ACOX2: variants seen among roughly 807,000 people sequenced by gnomAD.
ACOX2 encodes the protein peroxisomal acyl-coenzyme A oxidase 2.
In ACOX2, 59 loss-of-function variants were observed where a neutral mutation model predicts 77.5. That is an observed-to-expected ratio of 0.76 (90% CI 0.62 to 0.95). The LOEUF is 0.95. ACOX2 is among the 40% of genes least tolerant of loss of function. The pLI, the probability that ACOX2 is intolerant of heterozygous loss-of-function variation, is 0.00. For synonymous variants in ACOX2, 317 were observed against 340.1 expected, an observed-to-expected ratio of 0.93 and a Z score of 0.75; for missense variants, 837 against 880.4, an observed-to-expected ratio of 0.95 and a Z score of 0.62.
chr3:58,530,622 G>C lies in ACOX2; in HGVS notation c.836C>G (p.Thr279Ser). 6.2e-7 allele frequency: 1 copy of C among 1,614,134 alleles called. No individual in the cohort carries two copies. Among genetic ancestry groups the C allele is most frequent in the Non-Finnish European group, 8.5e-7 (1 of 1,179,992 alleles). The change falls in exon 8 of 15, where the codon ACC becomes AGC. Residue 279 changes from threonine to serine, a missense_variant. Transcript: ENST00000302819. ...CTGTGCTGTACCGAGTTTGACGTAG[G>C]TGCCATCTGGCAAGACCTGTGTGGA... ...SRFAQVLPDGTYVKLGTAQSN... is the reference protein window; with the variant it reads ...SRFAQVLPDGSYVKLGTAQSN...
rs1269268390 is a variant in ACOX2 at position 58,528,907 on chromosome 3, AG to A, written c.1041del (p.Pro349LeufsTer28). The A allele has an allele frequency of 6.2e-7, 1 of 1,613,538 alleles. No homozygotes were observed. The highest frequency in any genetic ancestry group is 8.5e-7 in the Non-Finnish European group (1 of 1,179,788). On this transcript the variant is annotated frameshift_variant, in exon 9 of 15. Transcript: ENST00000302819. LOFTEE classifies it high-confidence loss of function. This position sits in a 1 kb window ranked among gnomAD's most constrained non-coding sequence, Gnocchi z 5.6. ...VLDYQTQQQK[L>X]FPQLAISYAF... ...GCATAACTGATGGCCAGCTGAGGAA[AG>A]AGTTTCTGCTGTTGTGTCTGGTAGT...
rs2063375099 is a variant in ACOX2, at chr3:58,523,690, C to T, written c.1526+736G>A. ...TCTCAAACTCCTGAGCTCAAGCAAT[C>T]CGCCCACCTCGACCTCCCAAAGTGC... On this transcript the variant is annotated intron_variant, in intron 11 of 14. Coordinates refer to ENST00000302819, the MANE Select transcript of ACOX2 (RefSeq NM_003500.4). The surrounding 1 kb of genome is among the most constrained non-coding windows in gnomAD (Gnocchi z 5.3). Among the ~76,000 whole-genome samples, 3 of 152,082 alleles carry T rather than the reference C, an allele frequency of 2.0e-5. No individual in the cohort carries two copies. Among genetic ancestry groups the T allele is most frequent in the Admixed American group, 2.0e-4 (3 of 15,268 alleles).
Position 58,519,862 on chromosome 3 carries a change from G to T in ACOX2, c.1633-2439C>A, listed in dbSNP as rs1401469095. 6.6e-6 allele frequency among the ~76,000 whole-genome samples: 1 copy of T among 152,242 alleles called. No homozygotes were observed. Among genetic ancestry groups the T allele is most frequent in the Non-Finnish European group, 1.5e-5 (1 of 68,042 alleles). On this transcript the variant is annotated intron_variant, in intron 12 of 14. Coordinates refer to ENST00000302819, the MANE Select transcript of ACOX2 (RefSeq NM_003500.4). This position sits in a 1 kb window ranked among gnomAD's most constrained non-coding sequence, Gnocchi z 5.0. Reference sequence around the variant, plus strand: ...CAGTAGCCTTTGTTGCTCAGACTGGGTCCAGCTTGGCAGAACTGCGGACCC... The same window carrying T: ...CAGTAGCCTTTGTTGCTCAGACTGGTTCCAGCTTGGCAGAACTGCGGACCC...
chr3:58,510,374 T>C (rs963720612), intron 13 of ACOX2, among the ~76,000 whole-genome samples: 2 of 151,820 alleles, frequency 1.3e-5, no homozygotes, highest in Non-Finnish European at 2.9e-5. Context: ...GGCTCACACC[T>C]GTAATCCCAG....
chr3:58,511,073 T>C (rs139381692), intron 13 of ACOX2: 1 of 456,612 alleles, frequency 2.2e-6, no homozygotes, highest in Non-Finnish European at 4.4e-6. Flanking sequence ...GTGGAAGCAG[T>C]AAGAGAATCT....
chr3:58,507,593 C>A (rs772914825), intron 14 of ACOX2, among the ~76,000 whole-genome samples: 5 of 152,124 alleles, frequency 3.3e-5, no homozygotes, highest in Non-Finnish European at 5.9e-5. Flanking sequence ...TGTGGAGCAC[C>A]AAAGGGCACA....
chr3:58,527,037 T>A lies in ACOX2; in HGVS notation c.1156-381A>T, dbSNP rs1366375721. Among the ~76,000 whole-genome samples the A allele has an allele frequency of 3.9e-5, 6 of 152,268 alleles. No individual in the cohort carries two copies. In the East Asian group the frequency reaches 1.2e-3, roughly 29 times the overall value. On this transcript the variant is annotated intron_variant, in intron 9 of 14. Transcript: ENST00000302819. ...CACTGTAAGCCCACTTACTGGGTTG[T>A]AGGAGGGTGACAGGGTCTGAATGTG...
rs543585672 is a variant in ACOX2 at position 58,519,038 on chromosome 3, C to G, written c.1633-1615G>C. Among the ~76,000 whole-genome samples the G allele has an allele frequency of 6.6e-6, 1 of 152,242 alleles. No individual in the cohort carries two copies. The highest frequency in any genetic ancestry group is 1.9e-4 in the East Asian group (1 of 5,162). On this transcript the variant is annotated intron_variant, in intron 12 of 14. Transcript: ENST00000302819. The surrounding 1 kb of genome is among the most constrained non-coding windows in gnomAD (Gnocchi z 5.0). ...TGAGACTGTGCATTTCTAACAAGGT[C>G]CCCTGTGATGCCCATGCTGCTGTAG... is the stretch of plus-strand genomic sequence containing the variant.
Position 58,531,408 on chromosome 3 carries a change from GTGCT to G in ACOX2, c.704-46_704-43del, listed in dbSNP as rs2063438536. On this transcript the variant is annotated intron_variant, in intron 6 of 14. Transcript: ENST00000302819. This position sits in a 1 kb window ranked among gnomAD's most constrained non-coding sequence, Gnocchi z 5.8. ...ATGAGGACACCTATCAGTTGAGAGA[GTGCT>G]TGCTATGTGGCAGGTATCATACACA... is the stretch of plus-strand genomic sequence containing the variant. 1.3e-6 allele frequency: 2 copies of G among 1,560,656 alleles called. No homozygotes were observed. Among genetic ancestry groups the G allele is most frequent in the Non-Finnish European group, 1.8e-6 (2 of 1,133,410 alleles).
Position 58,533,911 on chromosome 3 carries a change from C to T in ACOX2, c.475+83G>A, listed in dbSNP as rs2063458947. On this transcript the variant is annotated intron_variant, in intron 4 of 14. Transcript: ENST00000302819. This position sits in a 1 kb window ranked among gnomAD's most constrained non-coding sequence, Gnocchi z 5.6. ...ACATATGTCCCTCGGAGCATATGAA[C>T]CTATGACTACCTAGATGTAAATGGG... 7 of 1,529,126 alleles carry T rather than the reference C, an allele frequency of 4.6e-6. No individual in the cohort carries two copies. In the South Asian group the frequency reaches 8.3e-5, roughly 18 times the overall value. 94.7% of individuals were successfully genotyped at this position (1,529,126 alleles called of 1,614,324 possible).
At position 58,515,096 on chromosome 3, in the gene ACOX2, T is replaced by A. The variant is rs1417847808; in HGVS notation, c.1850+2110A>T. 6.6e-6 allele frequency among the ~76,000 whole-genome samples: 1 copy of A among 152,148 alleles called. No homozygotes were observed. The highest frequency in any genetic ancestry group is 2.4e-5 in the African/African-American group (1 of 41,428). On this transcript the variant is annotated intron_variant, in intron 13 of 14. Transcript: ENST00000302819. This position sits in a 1 kb window ranked among gnomAD's most constrained non-coding sequence, Gnocchi z 4.0. ...TGGAGTGCAGTGGTACGATCTTGGC[T>A]CACGGCAGCCTCTGCCTCCCGGGTT...
In ACOX2 at chr3:58,523,918, TGAATGACA is replaced by T. The variant is rs1336771427; in HGVS notation, c.1526+500_1526+507del. Among the ~76,000 whole-genome samples the T allele has an allele frequency of 1.3e-5, 2 of 152,216 alleles. No individual in the cohort carries two copies. On this transcript the variant is annotated intron_variant, in intron 11 of 14. Coordinates refer to ENST00000302819, the MANE Select transcript of ACOX2 (RefSeq NM_003500.4). This position sits in a 1 kb window ranked among gnomAD's most constrained non-coding sequence, Gnocchi z 5.3. Reference sequence around the variant, plus strand: ...ATAGTAGGTACTGAACAATATTTGTTGAATGACAGAATGGATGAGTCCTTGGTTTTGTC... The same window carrying T: ...ATAGTAGGTACTGAACAATATTTGTTGAATGGATGAGTCCTTGGTTTTGTC...
rs2063473173 is a variant in ACOX2, at chr3:58,535,198, C to A, written c.-91-1G>T. ...CTCAGCATTGGTCAGTGCAAAGAAC[C>A]TGTGTGCAAGAGGAACTGCCTAGGG... is the stretch of plus-strand genomic sequence containing the variant. On this transcript the variant is annotated splice_acceptor_variant, in intron 1 of 14. Coordinates refer to ENST00000302819, the MANE Select transcript of ACOX2 (RefSeq NM_003500.4). LOFTEE classifies it low-confidence loss of function (5UTR_SPLICE). The surrounding 1 kb of genome is among the most constrained non-coding windows in gnomAD (Gnocchi z 4.8). 3 of 1,537,486 alleles carry A rather than the reference C, an allele frequency of 2.0e-6. No homozygotes were observed. The highest frequency in any genetic ancestry group is 2.3e-5 in the East Asian group (1 of 44,430).
rs1214549093 is a variant in ACOX2 at position 58,528,656 on chromosome 3, G to A, written c.1155+138C>T. 1.5e-5 allele frequency: 17 copies of A among 1,120,448 alleles called. No individual in the cohort carries two copies. The highest frequency in any genetic ancestry group is 1.0e-4 in the East Asian group (4 of 38,348). The allele number at this position is 1,120,448 out of a possible 1,614,324, so 69.4% of individuals were successfully genotyped here. The stretch of plus-strand genomic sequence containing the variant: ...ATACCAGGGTGCCGTTCACCCAGAC[G>A]CCCTGGGATGCTGAAAGCTGGGAGA... On this transcript the variant is annotated intron_variant, in intron 9 of 14. Coordinates refer to ENST00000302819, the MANE Select transcript of ACOX2 (RefSeq NM_003500.4). The surrounding 1 kb of genome is among the most constrained non-coding windows in gnomAD (Gnocchi z 5.6).
rs1457925391 is a variant in ACOX2 at position 58,515,290 on chromosome 3, G to A, written c.1850+1916C>T. ...CCCACCTTGGCCTCCCAAAGTGCTG[G>A]GATTGCAGGTATTAGCCACCGCGCC... On this transcript the variant is annotated intron_variant, in intron 13 of 14. Transcript: ENST00000302819. The surrounding 1 kb of genome is among the most constrained non-coding windows in gnomAD (Gnocchi z 4.0). Among the ~76,000 whole-genome samples, 2 of 152,086 alleles carry A rather than the reference G, an allele frequency of 1.3e-5. No individual in the cohort carries two copies. The highest frequency in any genetic ancestry group is 2.4e-5 in the African/African-American group (1 of 41,392).
In ACOX2 at chr3:58,531,466, T is replaced by A; in HGVS notation, c.704-100A>T. On this transcript the variant is annotated intron_variant, in intron 6 of 14. Coordinates refer to ENST00000302819, the MANE Select transcript of ACOX2 (RefSeq NM_003500.4). This position sits in a 1 kb window ranked among gnomAD's most constrained non-coding sequence, Gnocchi z 5.8. The stretch of plus-strand genomic sequence containing the variant: ...TCCAGGTCACAGCAGCCTGTGACAC[T>A]GGGATTATTGTACCTATTTTGCAGG... 7.9e-7 allele frequency: 1 copy of A among 1,261,548 alleles called. No individual in the cohort carries two copies. Among genetic ancestry groups the A allele is most frequent in the Non-Finnish European group, 1.1e-6 (1 of 894,972 alleles). The allele number at this position is 1,261,548 out of a possible 1,614,324, so 78.1% of individuals were successfully genotyped here.
intron 14 of ACOX2, among the ~76,000 whole-genome samples, chr3:58,506,789 C>A (rs1340893230): frequency 6.6e-6 from 1 of 152,110 alleles, no homozygotes; most frequent in Non-Finnish European, 1.5e-5. Flanking sequence ...GAGACTCTGT[C>A]TCAAAAATAA....
In ACOX2 at chr3:58,525,133, CTG is replaced by C. The variant is rs1336933358; in HGVS notation, c.1347-530_1347-529del. On this transcript the variant is annotated intron_variant, in intron 10 of 14. Transcript: ENST00000302819. This position sits in a 1 kb window ranked among gnomAD's most constrained non-coding sequence, Gnocchi z 5.0. ...GAAAGAAGCTTCACCTCCCAAGTCTCTGTTTCTCTAGCTCTAGGTGGGGAGGA... is the reference window on the plus strand; with the variant it reads ...GAAAGAAGCTTCACCTCCCAAGTCTCTTTCTCTAGCTCTAGGTGGGGAGGA... 6.6e-6 allele frequency among the ~76,000 whole-genome samples: 1 copy of C among 152,040 alleles called. No individual in the cohort carries two copies. The highest frequency in any genetic ancestry group is 1.5e-5 in the Non-Finnish European group (1 of 68,016).
At position 58,512,788 on chromosome 3, in the gene ACOX2, C is replaced by T. The variant is rs891681102; in HGVS notation, c.1851-3763G>A. ...GACATTATGATAGAGCTGAAAAATT[C>T]CTATTGCTTAGTGATTGATGTTAGA... On this transcript the variant is annotated intron_variant, in intron 13 of 14. Coordinates refer to ENST00000302819, the MANE Select transcript of ACOX2 (RefSeq NM_003500.4). This position sits in a 1 kb window ranked among gnomAD's most constrained non-coding sequence, Gnocchi z 4.8. Among the ~76,000 whole-genome samples, 1 of 152,154 alleles carries T rather than the reference C, an allele frequency of 6.6e-6. No individual in the cohort carries two copies. The highest frequency in any genetic ancestry group is 6.5e-5 in the Admixed American group (1 of 15,274).
Sources: gnomAD v4.1 joint callset for allele counts (sites outside exome capture counted in the v4.1 genomes callset) on GRCh38, gnomAD v4.1.1 for gene constraint, Gnocchi (gnomAD v3.1) non-coding constraint, MANE v1.5 for transcripts, NCBI Gene and HGNC (gene_info 2026-07-23, HGNC 2026-07-21) for gene names.